The following GNA14 variants were observed in gnomAD, a reference collection of about 807,000 sequenced individuals.
GNA14 encodes the protein guanine nucleotide-binding protein subunit alpha-14.
In GNA14, 50 loss-of-function variants were observed where a neutral mutation model predicts 42.0. The ratio of observed to expected loss-of-function variants is 1.19; its 90% CI spans 0.95 to 1.51. The LOEUF is 1.51. GNA14 is among the 40% of genes most tolerant of loss of function. GNA14 has a pLI of 0.00. For missense variants in GNA14, 473 were observed against 446.2 expected (o/e 1.06, Z -0.54); for synonymous variants, 173 against 163.1 (o/e 1.06, Z -0.46).
intron 2 of GNA14, among the ~76,000 whole-genome samples, chr9:77,472,818 C>CTCTCTCTCTCT (rs60678901): frequency 6.8e-6 from 1 of 146,570 alleles, no homozygotes; most frequent in Non-Finnish European, 1.5e-5. Flanking sequence ...CTCTCTCTCT[C>CTCTCTCTCTCT]CTCCAAGCCC....
intron 2 of GNA14, among the ~76,000 whole-genome samples, chr9:77,442,448 C>T (rs568304715): frequency 6.6e-6 from 1 of 152,296 alleles, no homozygotes; most frequent in African/African-American, 2.4e-5. Context: ...AGACAGTGCC[C>T]AAGCAGATGA....
intron 1 of GNA14, among the ~76,000 whole-genome samples, chr9:77,533,976 T>C (rs1837562768): frequency 6.6e-6 from 1 of 152,234 alleles, no homozygotes; most frequent in African/African-American, 2.4e-5. Context: ...ACCTCAATTA[T>C]CTGTGTACCA....
At chr9:77,585,792 G>A (rs533109550) in intron 1 of GNA14, among the ~76,000 whole-genome samples, 1 of 152,288 alleles carries the variant, frequency 6.6e-6, no homozygotes, top group South Asian at 2.1e-4. Flanking sequence ...GTTTTTATTG[G>A]TGCTTGTCCC....
chr9:77,480,447 G>T (rs1279982417), intron 2 of GNA14, among the ~76,000 whole-genome samples: 1 of 152,160 alleles, frequency 6.6e-6, no homozygotes, highest in Non-Finnish European at 1.5e-5. Flanking sequence ...GCTGGATTCG[G>T]TTTGCCAGTA....
In GNA14 at chr9:77,529,059, A is replaced by G; in HGVS notation, c.309+10T>C. 1 of 1,612,826 alleles carries G rather than the reference A, an allele frequency of 6.2e-7. No homozygotes were observed. The highest frequency in any genetic ancestry group is 8.5e-7 in the Non-Finnish European group (1 of 1,178,828). ...TCACAAATAGGGCAAGCACTCCCTAAGCACGTTACCTTATTCTGTTCACAC... is the reference window on the plus strand; with the variant it reads ...TCACAAATAGGGCAAGCACTCCCTAGGCACGTTACCTTATTCTGTTCACAC... On this transcript the variant is annotated intron_variant, in intron 2 of 6. Transcript: ENST00000341700.
chr9:77,503,676 G>A (rs1285456547), intron 2 of GNA14, among the ~76,000 whole-genome samples: 2 of 138,018 alleles, frequency 1.4e-5, no homozygotes, highest in South Asian at 2.3e-4. Context: ...TTTTGAGACA[G>A]AGTCTTGCTC....
chr9:77,550,653 T>C (rs1472785801), intron 1 of GNA14, among the ~76,000 whole-genome samples: 1 of 152,224 alleles, frequency 6.6e-6, no homozygotes, highest in Non-Finnish European at 1.5e-5. Flanking sequence ...AAAAGTACAT[T>C]TAAACTATCT....
At chr9:77,618,616 ATATATTTTTTTTTTTTTTTTTTT>A (rs1425337886) in intron 1 of GNA14, among the ~76,000 whole-genome samples, 16 of 10,176 alleles carry the variant, frequency 1.6e-3, no homozygotes, top group Non-Finnish European at 2.2e-3. Flanking sequence ...ATATATATAT[ATATATTTTTTTTTTTTTTTTTTT>A]TTTTTTTTTT....
At chr9:77,504,515 A>G (rs539511972) in intron 2 of GNA14, among the ~76,000 whole-genome samples, 1 of 148,920 alleles carries the variant, frequency 6.7e-6, no homozygotes, top group South Asian at 2.1e-4. Flanking sequence ...ATGGCCTGAA[A>G]AAATATGATC....
intron 1 of GNA14, chr9:77,580,315 A>G: frequency 3.0e-6 from 1 of 338,172 alleles, no homozygotes; most frequent in South Asian, 2.8e-5. Context: ...TTATTTGATA[A>G]AGATACAACC....
At chr9:77,454,577 ATT>A (rs35309093) in intron 2 of GNA14, among the ~76,000 whole-genome samples, 55,779 of 128,554 alleles carry the variant, frequency 0.43, 11,582 homozygotes, top group Non-Finnish European at 0.5. Flanking sequence ...GGCCATCAGG[ATT>A]TTTTTTTTTT....
chr9:77,558,262 A>G (rs1386230869), intron 1 of GNA14, among the ~76,000 whole-genome samples: 1 of 151,678 alleles, frequency 6.6e-6, no homozygotes, highest in African/African-American at 2.4e-5. Flanking sequence ...CACATTGTCC[A>G]GCAAAACAGA....
At chr9:77,485,900 G>A (rs1299439723) in intron 2 of GNA14, among the ~76,000 whole-genome samples, 2 of 152,102 alleles carry the variant, frequency 1.3e-5, no homozygotes, top group Non-Finnish European at 2.9e-5. Flanking sequence ...CATTTATAGA[G>A]CACAGGTAGA....
At chr9:77,459,291 T>C (rs7030888) in intron 2 of GNA14, among the ~76,000 whole-genome samples, 29,360 of 151,958 alleles carry the variant, frequency 0.19, 3,025 homozygotes, top group African/African-American at 0.27. Context: ...TTATGTTAGG[T>C]ATATTTTACC....
chr9:77,518,704 A>G (rs896721016), intron 2 of GNA14, among the ~76,000 whole-genome samples: 1 of 152,210 alleles, frequency 6.6e-6, no homozygotes, highest in African/African-American at 2.4e-5. Flanking sequence ...TTAAAAGAAA[A>G]TTTAGAAAAA....
intron 1 of GNA14, among the ~76,000 whole-genome samples, chr9:77,543,892 A>C (rs576893161): frequency 1.3e-5 from 2 of 152,242 alleles, no homozygotes; most frequent in East Asian, 3.9e-4. Flanking sequence ...TCCTTCCCAT[A>C]AGTGCATTTA....
chr9:77,519,272 G>C (rs149403825), intron 2 of GNA14, among the ~76,000 whole-genome samples: 1 of 152,000 alleles, frequency 6.6e-6, no homozygotes, highest in Non-Finnish European at 1.5e-5. Flanking sequence ...TTAGCTGGGC[G>C]TGGTGGCGGG....
chr9:77,458,901 T>TGG (rs1424687677), intron 2 of GNA14, among the ~76,000 whole-genome samples: 4 of 78,924 alleles, frequency 5.1e-5, no homozygotes, highest in South Asian at 3.1e-4. Context: ...TATCACAAGC[T>TGG]GGAGGGGGGG....
intron 1 of GNA14, among the ~76,000 whole-genome samples, chr9:77,592,079 T>C (rs1048848094): frequency 2.0e-5 from 3 of 152,046 alleles, no homozygotes; most frequent in African/African-American, 7.2e-5. Context: ...CATGCTCGGC[T>C]AATTTTTTGT....
Sources: allele counts gnomAD v4.1 joint callset (sites outside exome capture counted in the v4.1 genomes callset), GRCh38; gene constraint gnomAD v4.1.1; transcripts MANE v1.5; gene names NCBI Gene and HGNC (gene_info 2026-07-23, HGNC 2026-07-21).